The following EPRS1 variants were observed in gnomAD, a reference collection of about 807,000 sequenced individuals.
The protein encoded by EPRS1 is bifunctional glutamate/proline--tRNA ligase.
EPRS1 carries 107 observed loss-of-function variants against 188.3 expected under a neutral mutation model. That is an observed-to-expected ratio of 0.57 (90% confidence interval 0.49 to 0.67). The LOEUF (loss-of-function observed/expected upper bound fraction) is 0.67, where lower values mean the gene tolerates loss of function less well. Ranked by LOEUF, EPRS1 falls within the 30% of genes least tolerant of loss-of-function variation. EPRS1 has a pLI of 0.00. For missense variants in EPRS1, 1,577 were observed against 1,802.2 expected (o/e 0.88, Z 2.26); for synonymous variants, 596 against 593.1 (o/e 1.00, Z -0.07).
At chr1:219,973,151 T>G in intron 29 of EPRS1, 87 bp downstream of exon 29, 1 of 1,167,020 alleles carries the variant, frequency 8.6e-7, no homozygotes, top group Non-Finnish European at 1.2e-6. Context: ...TGCTTCCAAT[T>G]GGGGCAACCC....
intron 21 of EPRS1, among the ~76,000 whole-genome samples, chr1:219,983,998 A>G (rs1434316972): frequency 1.3e-5 from 2 of 152,084 alleles, no homozygotes; most frequent in Non-Finnish European, 2.9e-5. Flanking sequence ...AAAAAAATCA[A>G]TCACTATCTC....
At chr1:220,019,219 T>C (rs1661808028) in intron 10 of EPRS1, 140 bp from the exon 11 acceptor site, 1 of 623,058 alleles carries the variant, frequency 1.6e-6, no homozygotes, top group Admixed American at 2.8e-5. Flanking sequence ...TTAGGTAGTA[T>C]GCAATACTAG....
At position 219,987,395 on chromosome 1, in the gene EPRS1, C is replaced by A. The variant is rs375898641; in HGVS notation, c.2785G>T (p.Asp929Tyr). The change falls in exon 20 of 32, where the codon GAT (aspartate) becomes TAT (tyrosine). Residue 929 changes from aspartate to tyrosine, a missense_variant. This residue lies in a region of EPRS1 where 1,278 missense variants were observed against 1,457.4 expected (regional missense o/e 0.88). Coordinates refer to ENST00000366923, the MANE Select transcript of EPRS1 (RefSeq NM_004446.3). ...TGAAGGAGTTCTTGAACAGCTATAT[C>A]TACTTGATCCTTTAGTTTAACAAAA... is the stretch of plus-strand genomic sequence containing the variant. ...KTEKAPKDQVDIAVQELLQLK... is the reference protein window; with the variant it reads ...KTEKAPKDQVYIAVQELLQLK... 8.0e-5 allele frequency: 127 copies of A among 1,593,702 alleles called. No individual in the cohort carries two copies. The highest frequency in any genetic ancestry group is 9.8e-5 in the Non-Finnish European group (115 of 1,172,498).
intron 20 of EPRS1, 69 bp from the exon 21 acceptor site, chr1:219,984,326 CCT>C: frequency 9.2e-7 from 1 of 1,083,036 alleles, no homozygotes; most frequent in Non-Finnish European, 1.4e-6. Context: ...TAAAAATAAA[CCT>C]CTAAAGTTCA....
chr1:220,013,069 A>G (rs1453262142), intron 12 of EPRS1, among the ~76,000 whole-genome samples: 1 of 152,228 alleles, frequency 6.6e-6, no homozygotes, highest in Non-Finnish European at 1.5e-5. Context: ...TTAAAACTAA[A>G]GCAGTCAATA....
In EPRS1 at chr1:219,968,952, G is replaced by C. The variant is rs758572151; in HGVS notation, c.4393C>G (p.Gln1465Glu). 2.5e-6 allele frequency: 4 copies of C among 1,613,858 alleles called. No homozygotes were observed. Among genetic ancestry groups the C allele is most frequent in the East Asian group, 4.5e-5 (2 of 44,890 alleles). Reference protein sequence around the residue: ...DWIKKTTARDQDLEPGAPSMG... With the variant: ...DWIKKTTARDEDLEPGAPSMG... ...GATGGAGCACCAGGTTCAAGATCTT[G>C]ATCCCTGAAATTAATAACAAATAAG... The change falls in exon 32 of 32, where the codon CAA becomes GAA. Residue 1465 changes from glutamine (Q) to glutamate (E), a missense_variant. Physicochemically the swap from Gln to Glu is conservative, Grantham distance 29. Around this residue, in one of 3 missense-constraint regions of EPRS1, gnomAD observed 296 missense variants for 327.9 expected, o/e 0.90. Coordinates refer to ENST00000366923, the MANE Select transcript of EPRS1 (RefSeq NM_004446.3).
At chr1:219,975,278 G>A (rs1196592782) in intron 28 of EPRS1, among the ~76,000 whole-genome samples, 1 of 152,172 alleles carries the variant, frequency 6.6e-6, no homozygotes, top group Non-Finnish European at 1.5e-5. Flanking sequence ...ACGCAGAGGA[G>A]GGGGTGGCAA....
At chr1:219,983,570 A>T (rs1660940837) in intron 21 of EPRS1, among the ~76,000 whole-genome samples, 172 bp from the exon 22 acceptor site, 1 of 152,158 alleles carries the variant, frequency 6.6e-6, no homozygotes, top group African/African-American at 2.4e-5. Context: ...CTGAAAAACA[A>T]CATATAACAG....
Position 219,972,086 on chromosome 1 carries a change from T to C in EPRS1, c.4306A>G (p.Ile1436Val). ...TCTCTGACCTTTCCAGAATCTAGTATCTTCTGAAAGTCTTCCATTGTATTA... is the reference window on the plus strand; with the variant it reads ...TCTCTGACCTTTCCAGAATCTAGTACCTTCTGAAAGTCTTCCATTGTATTA... ...VANTMEDFQK[I>V]LDSGKIVQIP... The change falls in exon 30 of 32, where the codon ATA (isoleucine) becomes GTA (valine). Residue 1436 changes from isoleucine to valine, a missense_variant. Physicochemically the swap from Ile to Val is conservative, Grantham distance 29. Coordinates refer to ENST00000366923, the MANE Select transcript of EPRS1 (RefSeq NM_004446.3). The C allele has an allele frequency of 6.3e-7, 1 of 1,595,572 alleles. No homozygotes were observed. Among genetic ancestry groups the C allele is most frequent in the Non-Finnish European group, 8.5e-7 (1 of 1,171,132 alleles).
intron 21 of EPRS1, among the ~76,000 whole-genome samples, chr1:219,983,954 G>A (rs993873338): frequency 1.3e-5 from 2 of 150,142 alleles, no homozygotes; most frequent in African/African-American, 4.9e-5. Context: ...ATATCTTTGT[G>A]GCTTTGAATT....
Position 219,996,988 on chromosome 1 carries a change from G to C in EPRS1, c.2536C>G (p.Pro846Ala). The part of the protein sequence containing the change: ...VVRKLKAEKS[P>A]KAKINEAVEC... ...ACTTTCTCTAACATACTGACCTTAG[G>C]GGATTTTTCAGCTTTTAGCTTACGA... The change falls in exon 18 of 32, where the codon CCT becomes GCT. Residue 846 changes from proline (P) to alanine (A), a missense_variant. This residue lies in a region of EPRS1 where 1,278 missense variants were observed against 1,457.4 expected (regional missense o/e 0.88). Coordinates refer to ENST00000366923, the MANE Select transcript of EPRS1 (RefSeq NM_004446.3). 6.3e-7 allele frequency: 1 copy of C among 1,593,394 alleles called. No homozygotes were observed. The highest frequency in any genetic ancestry group is 8.5e-7 in the Non-Finnish European group (1 of 1,172,384).
At chr1:219,979,991 A>AAG (rs1660862486) in intron 26 of EPRS1, 94 bp downstream of exon 26, 1 of 933,702 alleles carries the variant, frequency 1.1e-6, no homozygotes, top group African/African-American at 4.3e-5. Context: ...CTTATTTTTT[A>AAG]AGAGTCTACT....
intron 10 of EPRS1, among the ~76,000 whole-genome samples, chr1:220,019,541 C>A (rs755342026): frequency 6.6e-6 from 1 of 152,116 alleles, no homozygotes; most frequent in Non-Finnish European, 1.5e-5. Context: ...ATCTGCAAAC[C>A]TCAGTAAGTA....
chr1:219,968,978 A>T (rs1165512614), intron 31 of EPRS1, 22 bp from the exon 32 acceptor site: 5 of 1,613,596 alleles, frequency 3.1e-6, no homozygotes, highest in Non-Finnish European at 4.2e-6. Flanking sequence ...AACAAATAAG[A>T]ATTCCACTCA....
intron 30 of EPRS1, among the ~76,000 whole-genome samples, chr1:219,970,760 A>C (rs1042674523): frequency 4.7e-5 from 7 of 147,526 alleles, no homozygotes; most frequent in African/African-American, 1.5e-4. Flanking sequence ...CCTGGGCAAC[A>C]AAGCAAGACC....
chr1:219,977,314 G>A (rs1247483573), intron 28 of EPRS1, among the ~76,000 whole-genome samples: 1 of 152,094 alleles, frequency 6.6e-6, no homozygotes, highest in Non-Finnish European at 1.5e-5. Context: ...CAACGAAGCT[G>A]TAGAAGACCC....
intron 6 of EPRS1, among the ~76,000 whole-genome samples, chr1:220,027,172 C>A (rs1426626546): frequency 6.6e-6 from 1 of 151,830 alleles, no homozygotes; most frequent in Non-Finnish European, 1.5e-5. Context: ...CGTCTGTAAT[C>A]CCATCACTTT....
chr1:220,002,618 G>A (rs972312403), intron 16 of EPRS1, among the ~76,000 whole-genome samples: 1 of 151,996 alleles, frequency 6.6e-6, no homozygotes, highest in African/African-American at 2.4e-5. Flanking sequence ...CCAGCACTTC[G>A]GGGGGCCATG....
intron 28 of EPRS1, among the ~76,000 whole-genome samples, chr1:219,976,738 G>A (rs903869155): frequency 1.3e-5 from 2 of 152,104 alleles, no homozygotes; most frequent in African/African-American, 2.4e-5. Flanking sequence ...GAGAGAAAAC[G>A]GCATATGAAA....
Sources: gnomAD v4.1 joint callset for allele counts (sites outside exome capture counted in the v4.1 genomes callset) on GRCh38, gnomAD v4.1.1 for gene constraint, gnomAD v4.1.1 regional missense constraint, MANE v1.5 for transcripts, NCBI Gene and HGNC (gene_info 2026-07-23, HGNC 2026-07-21) for gene names.